TEKT5: variants seen among roughly 807,000 people sequenced by gnomAD.
The protein encoded by TEKT5 is tektin-5.
A neutral mutation model predicts 48.7 loss-of-function variants in TEKT5; 52 were observed. That is an observed-to-expected ratio of 1.07 (90% CI 0.86 to 1.35). The LOEUF (loss-of-function observed/expected upper bound fraction) is 1.35. Among genes scored for constraint, TEKT5 ranks in the 40% most tolerant of loss-of-function variants. The probability of loss-of-function intolerance (pLI) is 0.00; values close to 1 mark genes in which losing one functional copy is unlikely to be tolerated. For synonymous variants in TEKT5, 318 were observed against 267.6 expected (o/e 1.19, Z -1.84); for missense variants, 831 against 641.6 (o/e 1.30, Z -3.19).
intron 3 of TEKT5, 104 bp from the exon 4 acceptor site, chr16:10,682,240 C>T: frequency 7.4e-7 from 1 of 1,346,390 alleles, no homozygotes; most frequent in East Asian, 2.3e-5. Flanking sequence ...CCCAGAAAGC[C>T]ACCCAGTAGC....
intron 5 of TEKT5, among the ~76,000 whole-genome samples, chr16:10,672,288 C>T (rs1356276910): frequency 2.0e-5 from 3 of 152,076 alleles, no homozygotes; most frequent in Non-Finnish European, 4.4e-5. Context: ...CAAAACTCAA[C>T]ATTGCAGGCT....
At chr16:10,693,241 A>G (rs1359179840) in intron 1 of TEKT5, among the ~76,000 whole-genome samples, 1 of 152,112 alleles carries the variant, frequency 6.6e-6, no homozygotes, top group Non-Finnish European at 1.5e-5. Context: ...GATTACAGAC[A>G]TGTGCCACCA....
intron 5 of TEKT5, among the ~76,000 whole-genome samples, chr16:10,640,068 T>TCCTTC (rs1311851085): frequency 2.3e-5 from 2 of 85,624 alleles, no homozygotes; most frequent in East Asian, 4.8e-4. Context: ...CTCCTTTTTC[T>TCCTTC]TTCTCCTTCT....
At chr16:10,667,680 G>A (rs1367882751) in intron 5 of TEKT5, among the ~76,000 whole-genome samples, 6 of 152,056 alleles carry the variant, frequency 3.9e-5, no homozygotes, top group Non-Finnish European at 1.5e-5. Context: ...GTACTGGGCA[G>A]CATCGTCATC....
chr16:10,637,863 TGCAGTTGCGCAATC>T, intron 5 of TEKT5, among the ~76,000 whole-genome samples: 1 of 152,330 alleles, frequency 6.6e-6, no homozygotes, highest in Non-Finnish European at 1.5e-5. Context: ...CAGGCTGGAG[TGCAGTTGCGCAATC>T]GCAGCTTACC....
chr16:10,629,816 G>C (rs1310644023), intron 6 of TEKT5, among the ~76,000 whole-genome samples: 1 of 152,232 alleles, frequency 6.6e-6, no homozygotes, highest in Non-Finnish European at 1.5e-5. Context: ...AGACATCTCT[G>C]TGATGCACTT....
At chr16:10,678,816 T>G (rs1325902048) in intron 4 of TEKT5, among the ~76,000 whole-genome samples, 1 of 152,202 alleles carries the variant, frequency 6.6e-6, no homozygotes, top group Non-Finnish European at 1.5e-5. Flanking sequence ...AATAACCCGC[T>G]TAATCACATT....
At chr16:10,688,346 G>A (rs1442362687) in intron 3 of TEKT5, among the ~76,000 whole-genome samples, 3 of 152,210 alleles carry the variant, frequency 2.0e-5, no homozygotes, top group Non-Finnish European at 2.9e-5. Flanking sequence ...TAACCCCTTC[G>A]GGGGATCCAA....
intron 1 of TEKT5, among the ~76,000 whole-genome samples, chr16:10,693,481 C>G (rs1347840754): frequency 6.6e-6 from 1 of 152,218 alleles, no homozygotes; most frequent in African/African-American, 2.4e-5. Context: ...GGAATACATT[C>G]AAAACATTAG....
rs533859877 is a variant in TEKT5, at chr16:10,682,682, A to G, written c.720-546T>C. Among the ~76,000 whole-genome samples, 733 of 152,350 alleles carry G rather than the reference A, an allele frequency of 4.8e-3. 2 individuals are homozygous for G. Among genetic ancestry groups the G allele is most frequent in the African/African-American group, 0.017 (705 of 41,586 alleles). ...AGCACTTACCGTAAAGGGTTACATG[A>G]TAAATAATTTAGGCTTTGTGGGTCA... On this transcript the variant is annotated intron_variant, in intron 3 of 6. Coordinates refer to ENST00000283025, the MANE Select transcript of TEKT5 (RefSeq NM_144674.2).
At chr16:10,653,467 T>A (rs1898204199) in intron 5 of TEKT5, among the ~76,000 whole-genome samples, 1 of 152,244 alleles carries the variant, frequency 6.6e-6, no homozygotes, top group Non-Finnish European at 1.5e-5. Flanking sequence ...TGCACAGATG[T>A]AGGTTCAATT....
At chr16:10,669,372 T>A in intron 5 of TEKT5, among the ~76,000 whole-genome samples, 1 of 151,818 alleles carries the variant, frequency 6.6e-6, no homozygotes. Flanking sequence ...GGCAGGAGAA[T>A]CGCTTGAACC....
At chr16:10,673,283 C>A (rs60083461) in intron 5 of TEKT5, among the ~76,000 whole-genome samples, 3,608 of 152,254 alleles carry the variant, frequency 0.024, 142 homozygotes, top group African/African-American at 0.081. Flanking sequence ...TGGACCAAAT[C>A]CAGCCCACTG....
At chr16:10,679,139 G>A (rs1596416400) in intron 4 of TEKT5, among the ~76,000 whole-genome samples, 1 of 152,162 alleles carries the variant, frequency 6.6e-6, no homozygotes, top group East Asian at 1.9e-4. Context: ...TAAATGTGAA[G>A]TCCTTGTCAT....
intron 5 of TEKT5, among the ~76,000 whole-genome samples, chr16:10,670,519 A>C (rs1327527541): frequency 6.6e-6 from 1 of 152,208 alleles, no homozygotes; most frequent in Non-Finnish European, 1.5e-5. Context: ...ACTCCACCTC[A>C]AAAAAAGAAG....
chr16:10,679,837 T>C (rs1898713268), intron 4 of TEKT5, among the ~76,000 whole-genome samples: 1 of 151,898 alleles, frequency 6.6e-6, no homozygotes, highest in Admixed American at 6.6e-5. Context: ...ATGGAGGCTG[T>C]GGTGAGCCGA....
intron 5 of TEKT5, among the ~76,000 whole-genome samples, chr16:10,672,825 C>T (rs769027994): frequency 3.9e-5 from 6 of 152,012 alleles, no homozygotes; most frequent in Non-Finnish European, 5.9e-5. Flanking sequence ...ACTCAATCCT[C>T]ACGGCAGTTA....
chr16:10,652,868 C>CACAGGCAGAGACATACACACACAT (rs1567228476), intron 5 of TEKT5, among the ~76,000 whole-genome samples: 3 of 58,434 alleles, frequency 5.1e-5, no homozygotes, highest in African/African-American at 4.4e-4. Context: ...CACACACACA[C>CACAGGCAGAGACATACACACACAT]ACCCTCCAGG....
intron 5 of TEKT5, among the ~76,000 whole-genome samples, chr16:10,663,790 T>C (rs924145140): frequency 5.9e-5 from 9 of 152,184 alleles, no homozygotes; most frequent in African/African-American, 2.2e-4. Flanking sequence ...CAACCAAAAA[T>C]GTCTCCAGAT....
Sources: allele counts gnomAD v4.1 joint callset (sites outside exome capture counted in the v4.1 genomes callset), GRCh38; gene constraint gnomAD v4.1.1; transcripts MANE v1.5; gene names NCBI Gene and HGNC (gene_info 2026-07-23, HGNC 2026-07-21).